DTNB: variants seen among roughly 807,000 people sequenced by gnomAD.
DTNB encodes the protein DTN-B.
In DTNB, 63 loss-of-function variants were observed where a neutral mutation model predicts 90.7. That is an observed-to-expected ratio of 0.69 (90% CI 0.57 to 0.86). DTNB has a LOEUF of 0.86. DTNB is among the 40% of genes least tolerant of loss of function. The pLI is 0.00. For synonymous variants in DTNB, 277 were observed against 286.7 expected, an observed-to-expected ratio of 0.97 and a Z score of 0.34; for missense variants, 744 against 807.1, an observed-to-expected ratio of 0.92 and a Z score of 0.95.
chr2:25,505,853 A>T (rs1349739308), intron 9 of DTNB, among the ~76,000 whole-genome samples: 1 of 152,250 alleles, frequency 6.6e-6, no homozygotes, highest in Admixed American at 6.5e-5. Context: ...GTTCTGAGTC[A>T]GCACACAGTT....
chr2:25,620,086 A>G (rs1432508515), intron 4 of DTNB, among the ~76,000 whole-genome samples: 1 of 152,162 alleles, frequency 6.6e-6, no homozygotes, highest in African/African-American at 2.4e-5. Flanking sequence ...TCAGAAATAG[A>G]AAAGATTTGG....
At chr2:25,593,182 C>A (rs1483358543) in intron 6 of DTNB, among the ~76,000 whole-genome samples, 2 of 152,172 alleles carry the variant, frequency 1.3e-5, no homozygotes, top group Non-Finnish European at 2.9e-5. Flanking sequence ...CAGCTTCTTT[C>A]TTAAAATAGT....
intron 4 of DTNB, among the ~76,000 whole-genome samples, chr2:25,613,119 T>C (rs2069101833): frequency 6.6e-6 from 1 of 152,200 alleles, no homozygotes; most frequent in Non-Finnish European, 1.5e-5. Flanking sequence ...TATTCATTTA[T>C]TTATTTATTT....
At chr2:25,640,601 A>G (rs2078046704) in intron 2 of DTNB, among the ~76,000 whole-genome samples, 1 of 152,160 alleles carries the variant, frequency 6.6e-6, no homozygotes, top group South Asian at 2.1e-4. Flanking sequence ...TTTTAAATAT[A>G]AAAGCTTTAT....
chr2:25,631,876 G>C (rs2075826491), intron 3 of DTNB, among the ~76,000 whole-genome samples: 1 of 152,070 alleles, frequency 6.6e-6, no homozygotes, highest in Non-Finnish European at 1.5e-5. Flanking sequence ...TTATTTTCAA[G>C]TACGCAAAGA....
At chr2:25,644,105 A>G (rs1467514740) in intron 2 of DTNB, among the ~76,000 whole-genome samples, 2 of 152,222 alleles carry the variant, frequency 1.3e-5, no homozygotes, top group East Asian at 1.9e-4. Context: ...CTTGTTTAGC[A>G]TATCATTAAG....
At chr2:25,600,973 G>A (rs1349884966) in intron 5 of DTNB, among the ~76,000 whole-genome samples, 2 of 152,264 alleles carry the variant, frequency 1.3e-5, no homozygotes, top group East Asian at 3.9e-4. Flanking sequence ...CATACTGCTA[G>A]ACCCCAAAAC....
intron 8 of DTNB, among the ~76,000 whole-genome samples, chr2:25,554,015 G>A (rs1256681437): frequency 3.3e-5 from 5 of 152,136 alleles, no homozygotes; most frequent in African/African-American, 9.7e-5. Flanking sequence ...GATCTGTCAT[G>A]ATAGCCAATA....
At chr2:25,595,032 C>A (rs548093001) in intron 6 of DTNB, 1 of 152,162 alleles carries the variant, frequency 6.6e-6, no homozygotes, top group African/African-American at 2.4e-5. Context: ...CTTTTTTAAT[C>A]TTTCATATTA....
chr2:25,440,028 C>T (rs2057004420), intron 12 of DTNB, among the ~76,000 whole-genome samples: 1 of 152,156 alleles, frequency 6.6e-6, no homozygotes, highest in East Asian at 1.9e-4. Context: ...GTTCACACCA[C>T]TAAAACTCAA....
intron 8 of DTNB, among the ~76,000 whole-genome samples, chr2:25,545,311 T>A (rs1248097772): frequency 6.6e-6 from 1 of 152,248 alleles, no homozygotes; most frequent in East Asian, 1.9e-4. Flanking sequence ...CTTGGCATGC[T>A]AAACCTATCT....
chr2:25,409,938 A>C (rs529878972), intron 16 of DTNB, among the ~76,000 whole-genome samples: 101 of 152,358 alleles, frequency 6.6e-4, no homozygotes, highest in African/African-American at 2.4e-3. Flanking sequence ...GCTATGGGAC[A>C]TAATAGCATG....
intron 14 of DTNB, among the ~76,000 whole-genome samples, chr2:25,430,621 G>A (rs2053548609): frequency 6.6e-6 from 1 of 152,078 alleles, no homozygotes; most frequent in Non-Finnish European, 1.5e-5. Flanking sequence ...AAACTAAACA[G>A]CTTATTACAT....
intron 6 of DTNB, among the ~76,000 whole-genome samples, chr2:25,583,890 T>C (rs2061947759): frequency 6.6e-6 from 1 of 151,968 alleles, no homozygotes; most frequent in African/African-American, 2.4e-5. Flanking sequence ...AAGACCCTCA[T>C]AAATAAACTT....
At chr2:25,459,222 A>G (rs1320609022) in intron 10 of DTNB, among the ~76,000 whole-genome samples, 1 of 151,868 alleles carries the variant, frequency 6.6e-6, no homozygotes, top group East Asian at 1.9e-4. Flanking sequence ...TTGGGAAAAA[A>G]TGTTTCTTAA....
chr2:25,519,920 T>G (rs1328257039), intron 9 of DTNB, among the ~76,000 whole-genome samples: 6 of 152,048 alleles, frequency 3.9e-5, no homozygotes. Flanking sequence ...GACTCTAGTC[T>G]CCCATCAAAA....
At chr2:25,536,568 G>A (rs866312476) in intron 8 of DTNB, among the ~76,000 whole-genome samples, 5 of 152,218 alleles carry the variant, frequency 3.3e-5, no homozygotes, top group African/African-American at 7.2e-5. Flanking sequence ...AAGGAGTGGC[G>A]GCGTGTGCCT....
intron 4 of DTNB, among the ~76,000 whole-genome samples, chr2:25,625,985 G>C (rs1559287250): frequency 1.3e-5 from 2 of 152,088 alleles, no homozygotes. Flanking sequence ...CCGTCTAGGA[G>C]CCAGAAAGGA....
intron 9 of DTNB, among the ~76,000 whole-genome samples, chr2:25,502,147 T>A (rs1021960851): frequency 6.6e-6 from 1 of 151,982 alleles, no homozygotes; most frequent in Non-Finnish European, 1.5e-5. Context: ...ATTGCACCAC[T>A]GCACTCCAAC....
Sources: allele counts gnomAD v4.1 joint callset (sites outside exome capture counted in the v4.1 genomes callset), GRCh38; gene constraint gnomAD v4.1.1; transcripts MANE v1.5; gene names NCBI Gene and HGNC (gene_info 2026-07-23, HGNC 2026-07-21).